KCTD14: variants seen among roughly 807,000 people sequenced by gnomAD.
The protein encoded by KCTD14 is BTB/POZ domain-containing protein KCTD14.
In KCTD14, 7 loss-of-function variants were observed where a neutral mutation model predicts 5.9. That is an observed-to-expected ratio of 1.19 (90% CI 0.68 to 2.23). The LOEUF (loss-of-function observed/expected upper bound fraction) is 2.23. Ranked by LOEUF, KCTD14 falls within the 30% of genes most tolerant of loss-of-function variation. KCTD14 has a pLI of 0.00. For synonymous variants in KCTD14, 140 were observed against 133.1 expected, an observed-to-expected ratio of 1.05 and a Z score of -0.36; for missense variants, 342 against 332.2, an observed-to-expected ratio of 1.03 and a Z score of -0.23.
At chr11:78,034,739 C>A (rs1857739128) in intron 2 of KCTD14, among the ~76,000 whole-genome samples, 1 of 152,078 alleles carries the variant, frequency 6.6e-6, no homozygotes, top group Non-Finnish European at 1.5e-5. Flanking sequence ...CAGACTATAG[C>A]CAAGCAGGGG....
chr11:78,031,486 C>T (rs1857614608), intron 2 of KCTD14, among the ~76,000 whole-genome samples: 1 of 152,020 alleles, frequency 6.6e-6, no homozygotes, highest in Non-Finnish European at 1.5e-5. Context: ...TCAAGCAATT[C>T]TCCTGCCTCA....
rs1255614460 is a variant in KCTD14 at position 78,015,894 on chromosome 11, A to G, written c.*699T>C. ...TTGATGTAAGAGGTCAGTCTTTTGT[A>G]CCTCCATACAAGAGGTAGCAATTCT... is the stretch of plus-strand genomic sequence containing the variant. On this transcript the variant is annotated 3_prime_UTR_variant, in exon 2 of 2. Coordinates refer to ENST00000353172, the MANE Select transcript of KCTD14 (RefSeq NM_023930.4). 3.3e-5 allele frequency: 5 copies of G among 152,144 alleles called. No homozygotes were observed. Among genetic ancestry groups the G allele is most frequent in the Non-Finnish European group, 7.3e-5 (5 of 68,042 alleles). The allele number at this position is 152,144 out of a possible 1,614,324, so 9.4% of individuals were successfully genotyped here.
intron 2 of KCTD14, among the ~76,000 whole-genome samples, chr11:78,032,839 C>T (rs965231967): frequency 4.0e-5 from 6 of 151,860 alleles, no homozygotes; most frequent in African/African-American, 1.5e-4. Flanking sequence ...GCACCATGCC[C>T]AGCTAATTTT....
intron 1 of KCTD14, among the ~76,000 whole-genome samples, chr11:78,022,124 C>T (rs1489609919): frequency 6.6e-6 from 1 of 152,114 alleles, no homozygotes; most frequent in African/African-American, 2.4e-5. Flanking sequence ...CTGTGAGGTT[C>T]CTGGCCAAGT....
intron 1 of KCTD14, among the ~76,000 whole-genome samples, chr11:78,041,539 G>C (rs902934803): frequency 6.6e-6 from 1 of 152,206 alleles, no homozygotes; most frequent in African/African-American, 2.4e-5. Flanking sequence ...GAGGGACGAT[G>C]ATCAGGATAT....
chr11:78,032,703 C>CTT (rs35820886), intron 2 of KCTD14, among the ~76,000 whole-genome samples: 9,214 of 123,450 alleles, frequency 0.075, 1,198 homozygotes, highest in African/African-American at 0.25. Flanking sequence ...TGATCTACTT[C>CTT]TTTTTTTTTT....
chr11:78,019,026 C>CTT (rs750759055), intron 1 of KCTD14, among the ~76,000 whole-genome samples: 3,168 of 140,370 alleles, frequency 0.023, 117 homozygotes, highest in African/African-American at 0.076. Context: ...TTTTTCTTTT[C>CTT]TTTTTTTTTT....
chr11:78,024,700 C>G (rs1857403945), upstream of KCTD14, among the ~76,000 whole-genome samples: 1 of 151,898 alleles, frequency 6.6e-6, no homozygotes, highest in African/African-American at 2.4e-5. Context: ...AATCTCAGCA[C>G]TTTGGGAGGC....
In KCTD14 at chr11:78,021,957, T is replaced by C. The variant is rs1450113384; in HGVS notation, c.90+1203A>G. Reference sequence around the variant, plus strand: ...CTCCAGAAGCTCACTCACTTGGCCATCCGCACTCCTTTCTCTGACCCCACT... The same window carrying C: ...CTCCAGAAGCTCACTCACTTGGCCACCCGCACTCCTTTCTCTGACCCCACT... On this transcript the variant is annotated intron_variant, in intron 1 of 1. Coordinates refer to ENST00000353172, the MANE Select transcript of KCTD14 (RefSeq NM_023930.4). Among the ~76,000 whole-genome samples, 3 of 152,170 alleles carry C rather than the reference T, an allele frequency of 2.0e-5. No homozygotes were observed. The South Asian group carries it at 6.2e-4, about 32-fold the overall frequency.
At chr11:78,024,884 G>T (rs1436041798), upstream of KCTD14, among the ~76,000 whole-genome samples, 1 of 151,772 alleles carries the variant, frequency 6.6e-6, no homozygotes, top group African/African-American at 2.4e-5. Context: ...GACGGAGGTT[G>T]CAGTGAGCTG....
At chr11:78,043,416 G>T (rs1382084121) in intron 1 of KCTD14, among the ~76,000 whole-genome samples, 1 of 152,170 alleles carries the variant, frequency 6.6e-6, no homozygotes, top group Non-Finnish European at 1.5e-5. Flanking sequence ...GTGCTAGGAT[G>T]ACAGGTGTGA....
intron 1 of KCTD14, among the ~76,000 whole-genome samples, chr11:78,018,773 A>C (rs1857237988): frequency 1.3e-5 from 2 of 152,150 alleles, no homozygotes; most frequent in South Asian, 4.1e-4. Flanking sequence ...AAGAGTTTCC[A>C]ACCTGGGATG....
At chr11:78,038,960 C>T (rs1006652109) in intron 1 of KCTD14, among the ~76,000 whole-genome samples, 1 of 150,184 alleles carries the variant, frequency 6.7e-6, no homozygotes, top group Non-Finnish European at 1.5e-5. Context: ...GATTCCATAG[C>T]GGGAGCAAGG....
At chr11:78,023,055 T>TCGGG in intron 1 of KCTD14, 105 bp downstream of exon 1, 1 of 760,852 alleles carries the variant, frequency 1.3e-6, no homozygotes, top group East Asian at 2.8e-5. Context: ...AGCAGGGGGC[T>TCGGG]CGGGCGTCTG....
At chr11:78,045,768 G>T (rs1347306546) in intron 1 of KCTD14, among the ~76,000 whole-genome samples, 1 of 152,112 alleles carries the variant, frequency 6.6e-6, no homozygotes, top group East Asian at 1.9e-4. Flanking sequence ...CTTTATAAGG[G>T]TACTACTGAG....
At chr11:78,032,215 C>T (rs1489013199) in intron 2 of KCTD14, among the ~76,000 whole-genome samples, 9 of 152,212 alleles carry the variant, frequency 5.9e-5, no homozygotes, top group Non-Finnish European at 1.3e-4. Flanking sequence ...GTCCCAGCCC[C>T]AGCAAGCTCC....
chr11:78,038,205 C>A (rs11237367), intron 2 of KCTD14, among the ~76,000 whole-genome samples: 56,809 of 151,984 alleles, frequency 0.37, 11,037 homozygotes, highest in South Asian at 0.43. Context: ...CGTCCCAAGT[C>A]TTGGGACCTC....
chr11:78,029,497 G>A (rs1392057361), intron 2 of KCTD14, among the ~76,000 whole-genome samples: 1 of 152,186 alleles, frequency 6.6e-6, no homozygotes, highest in African/African-American at 2.4e-5. Flanking sequence ...ACAGGAATAA[G>A]CAGGGTTAAT....
chr11:78,027,526 C>T (rs1336352117), upstream of KCTD14, among the ~76,000 whole-genome samples: 2 of 152,158 alleles, frequency 1.3e-5, no homozygotes, highest in African/African-American at 2.4e-5. Flanking sequence ...CCACAACCAG[C>T]TAATTTTTGT....
Sources: gnomAD v4.1 joint callset for allele counts (sites outside exome capture counted in the v4.1 genomes callset) on GRCh38, gnomAD v4.1.1 for gene constraint, MANE v1.5 for transcripts, NCBI Gene and HGNC (gene_info 2026-07-23, HGNC 2026-07-21) for gene names.